The following SIK3 variants were observed in gnomAD, a reference collection of about 807,000 sequenced individuals.
SIK3 encodes the protein SIK family kinase 3, also known as serine/threonine-protein kinase SIK3.
In SIK3, 28 loss-of-function variants were observed where a neutral mutation model predicts 144.2. The observed-to-expected ratio is 0.19, with a 90% CI of 0.14 to 0.27. The LOEUF is 0.27. SIK3 is among the 10% of genes least tolerant of loss of function. The probability of loss-of-function intolerance (pLI) is 1.00; values close to 1 mark genes in which losing one functional copy is unlikely to be tolerated. For synonymous variants in SIK3, 686 were observed against 676.3 expected (o/e 1.01, Z -0.22); for missense variants, 1,319 against 1,776.0 (o/e 0.74, Z 4.62).
Position 116,873,898 on chromosome 11 carries a change from G to A in SIK3, c.1581+5C>T. The A allele has an allele frequency of 6.2e-7, 1 of 1,609,648 alleles. No homozygotes were observed. ...TGGAGCCAGCCCTCTTCCATGTCTA[G>A]GTACCTTGTACTCAAGTTGCCCGGT... On this transcript the variant is annotated splice_donor_5th_base_variant and intron_variant, in intron 12 of 24. Transcript: ENST00000445177.
At chr11:116,951,498 T>G (rs1176452421) in intron 3 of SIK3, among the ~76,000 whole-genome samples, 1 of 152,202 alleles carries the variant, frequency 6.6e-6, no homozygotes, top group African/African-American at 2.4e-5. Context: ...TTGCCATTAC[T>G]TTCAATGACA....
chr11:116,931,312 T>C (rs562168806), intron 3 of SIK3, among the ~76,000 whole-genome samples: 6 of 152,362 alleles, frequency 3.9e-5, no homozygotes, highest in African/African-American at 1.4e-4. Flanking sequence ...AGAAAATATC[T>C]TGTGGTACAT....
intron 3 of SIK3, among the ~76,000 whole-genome samples, chr11:116,953,145 C>T (rs570786203): frequency 3.1e-4 from 47 of 152,060 alleles, no homozygotes; most frequent in Middle Eastern, 3.4e-3. Context: ...ACTGACTAGT[C>T]ATTAATAAGA....
At chr11:117,039,149 A>G (rs977520464) in intron 1 of SIK3, among the ~76,000 whole-genome samples, 1 of 152,250 alleles carries the variant, frequency 6.6e-6, no homozygotes, top group Non-Finnish European at 1.5e-5. Context: ...TAGCACAAAG[A>G]CAGAAAAAGT....
intron 3 of SIK3, among the ~76,000 whole-genome samples, chr11:116,953,605 G>GT (rs1234914330): frequency 6.6e-6 from 1 of 152,174 alleles, no homozygotes; most frequent in Non-Finnish European, 1.5e-5. Flanking sequence ...AAATAATATA[G>GT]TTACATGTTA....
chr11:117,017,669 G>C (rs1951596579), intron 1 of SIK3, among the ~76,000 whole-genome samples: 2 of 152,028 alleles, frequency 1.3e-5, no homozygotes, highest in East Asian at 1.9e-4. Flanking sequence ...AAAAAAACTG[G>C]TTATACAACT....
At chr11:117,079,560 TA>T (rs1345656059) in intron 1 of SIK3, among the ~76,000 whole-genome samples, 2 of 152,092 alleles carry the variant, frequency 1.3e-5, no homozygotes, top group Non-Finnish European at 2.9e-5. Flanking sequence ...ATCACAAAAA[TA>T]AATGTAAATT....
intron 1 of SIK3, among the ~76,000 whole-genome samples, chr11:117,016,370 GA>G (rs1432850707): frequency 8.8e-5 from 8 of 90,400 alleles, no homozygotes; most frequent in African/African-American, 3.2e-4. Flanking sequence ...GGGAGGGAAG[GA>G]GAGGGAGGGA....
chr11:116,875,370 T>C lies in SIK3; in HGVS notation c.1317+4A>G. The C allele has an allele frequency of 2.5e-6, 4 of 1,614,204 alleles. No individual in the cohort carries two copies. The highest frequency in any genetic ancestry group is 3.4e-6 in the Non-Finnish European group (4 of 1,180,026). ...GCTGACAGCTCCCACAGGTTGCTAC[T>C]TGCCTCCACAATTTGGTTCTCTGGG... On this transcript the variant is annotated splice_donor_region_variant and intron_variant, in intron 10 of 24. Transcript: ENST00000445177.
intron 1 of SIK3, among the ~76,000 whole-genome samples, chr11:117,026,615 A>C (rs1952020822): frequency 6.6e-6 from 1 of 152,214 alleles, no homozygotes; most frequent in Non-Finnish European, 1.5e-5. Flanking sequence ...TCCCAAAGCA[A>C]AACATGGTTG....
intron 2 of SIK3, 21 bp from the exon 3 acceptor site, chr11:116,954,128 TGACA>T: frequency 6.2e-7 from 1 of 1,601,680 alleles, no homozygotes. Context: ...GGCAGGAAAG[TGACA>T]GACAGTGACA....
At chr11:117,080,026 T>C (rs1054989159) in intron 1 of SIK3, among the ~76,000 whole-genome samples, 1 of 151,910 alleles carries the variant, frequency 6.6e-6, no homozygotes, top group South Asian at 2.1e-4. Flanking sequence ...AGAGTGAGAC[T>C]CCAACTCAAT....
intron 4 of SIK3, among the ~76,000 whole-genome samples, chr11:116,926,247 G>C (rs980710528): frequency 6.6e-6 from 1 of 152,216 alleles, no homozygotes; most frequent in Non-Finnish European, 1.5e-5. Context: ...ATACCGGAAA[G>C]TGTCGGCAAA....
intron 1 of SIK3, among the ~76,000 whole-genome samples, chr11:117,039,604 G>A (rs73594177): frequency 2.6e-4 from 39 of 152,232 alleles, no homozygotes; most frequent in African/African-American, 1.2e-4. Flanking sequence ...GACTAAAATC[G>A]AAAGGTCCAC....
chr11:117,028,321 TAA>T (rs1439180614), intron 1 of SIK3, among the ~76,000 whole-genome samples: 1 of 152,210 alleles, frequency 6.6e-6, no homozygotes, highest in Non-Finnish European at 1.5e-5. Flanking sequence ...AAATATTTAT[TAA>T]ACACCTACTA....
chr11:117,091,988 G>T (rs1369640895), intron 1 of SIK3, among the ~76,000 whole-genome samples: 1 of 151,856 alleles, frequency 6.6e-6, no homozygotes, highest in Non-Finnish European at 1.5e-5. Context: ...TCACTATGTT[G>T]CCCAGGCTGG....
intron 4 of SIK3, among the ~76,000 whole-genome samples, chr11:116,904,390 G>C (rs1432867281): frequency 6.6e-6 from 1 of 152,206 alleles, no homozygotes; most frequent in African/African-American, 2.4e-5. Flanking sequence ...GTGCACAGCA[G>C]CATCATGCCA....
At chr11:116,856,990 G>A (rs571769611) in intron 21 of SIK3, 65 of 152,274 alleles carry the variant, frequency 4.3e-4, no homozygotes, top group African/African-American at 1.2e-3. Context: ...CAAGATTCCT[G>A]ATTTTGTCTA....
At chr11:116,937,210 T>C (rs1238800040) in intron 3 of SIK3, among the ~76,000 whole-genome samples, 1 of 152,168 alleles carries the variant, frequency 6.6e-6, no homozygotes, top group Admixed American at 6.5e-5. Context: ...TCTGTTTGTG[T>C]AGGAAGGAAG....
Sources: gnomAD v4.1 joint callset for allele counts (sites outside exome capture counted in the v4.1 genomes callset) on GRCh38, gnomAD v4.1.1 for gene constraint, MANE v1.5 for transcripts, NCBI Gene and HGNC (gene_info 2026-07-23, HGNC 2026-07-21) for gene names.